The following EFCAB6 variants were observed in gnomAD, a reference collection of about 807,000 sequenced individuals.
EFCAB6 encodes the protein EF-hand calcium-binding domain-containing protein 6.
A neutral mutation model predicts 169.8 loss-of-function variants in EFCAB6; 156 were observed. The observed-to-expected ratio is 0.92, with a 90% confidence interval of 0.81 to 1.05. The LOEUF (loss-of-function observed/expected upper bound fraction) is 1.05. Among genes scored for constraint, EFCAB6 ranks in the 50% least tolerant of loss-of-function variants. EFCAB6 has a pLI of 0.00. For missense variants in EFCAB6, 1,800 were observed against 1,829.1 expected (o/e 0.98, Z 0.29); for synonymous variants, 698 against 676.4 (o/e 1.03, Z -0.50).
intron 8 of EFCAB6, among the ~76,000 whole-genome samples, chr22:43,728,636 T>A (rs1373889672): frequency 1.3e-5 from 2 of 152,230 alleles, no homozygotes; most frequent in African/African-American, 2.4e-5. Context: ...TCAGTGTGGT[T>A]TTGATTTGCA....
intron 2 of EFCAB6, among the ~76,000 whole-genome samples, chr22:43,794,995 T>C (rs1410466326): frequency 3.9e-5 from 6 of 152,154 alleles, no homozygotes; most frequent in Non-Finnish European, 7.3e-5. Flanking sequence ...GGCCACGCAT[T>C]TGGGACACAG....
At chr22:43,702,007 T>G (rs1253538711) in intron 10 of EFCAB6, among the ~76,000 whole-genome samples, 6 of 151,862 alleles carry the variant, frequency 4.0e-5, no homozygotes, top group Non-Finnish European at 7.4e-5. Flanking sequence ...AATTAACCAA[T>G]GGGGGGGATG....
chr22:43,745,733 C>T (rs374881644), intron 6 of EFCAB6, among the ~76,000 whole-genome samples: 4 of 152,182 alleles, frequency 2.6e-5, no homozygotes, highest in African/African-American at 9.7e-5. Flanking sequence ...CACATCAATG[C>T]TCATTTTCCT....
intron 26 of EFCAB6, among the ~76,000 whole-genome samples, chr22:43,564,363 G>A (rs1295677715): frequency 3.3e-5 from 5 of 151,538 alleles, no homozygotes; most frequent in Admixed American, 6.6e-5. Context: ...CATGAGAATC[G>A]CTTCAACCTG....
chr22:43,774,495 C>CT lies in EFCAB6; in HGVS notation c.140-1393dup, dbSNP rs562685459. Among the ~76,000 whole-genome samples, 188 of 151,898 alleles carry CT rather than the reference C, an allele frequency of 1.2e-3. 2 individuals are homozygous for CT. The South Asian group carries it at 0.019, about 15-fold the overall frequency. On this transcript the variant is annotated intron_variant, in intron 3 of 31. Coordinates refer to ENST00000262726, the MANE Select transcript of EFCAB6 (RefSeq NM_022785.4). ...ATCGGCGATTCTCCCCCGACACCCA[C>CT]TGAGGGCCCAGCGCACGCAGGGCCT...
At chr22:43,658,654 G>A (rs1261067610) in intron 17 of EFCAB6, among the ~76,000 whole-genome samples, 1 of 152,186 alleles carries the variant, frequency 6.6e-6, no homozygotes, top group Non-Finnish European at 1.5e-5. Flanking sequence ...TGCCCTCAGG[G>A]AACGTGCCCT....
chr22:43,774,254 G>A (rs187558976), intron 3 of EFCAB6, among the ~76,000 whole-genome samples: 2 of 151,466 alleles, frequency 1.3e-5, no homozygotes, highest in East Asian at 2.0e-4. Context: ...CAAAGATCTC[G>A]GTGCACCAAC....
chr22:43,798,279 G>C (rs935834586), intron 2 of EFCAB6, among the ~76,000 whole-genome samples: 3 of 151,992 alleles, frequency 2.0e-5, no homozygotes, highest in Non-Finnish European at 4.4e-5. Flanking sequence ...AGTTACTTGG[G>C]AGGCGGAGGT....
chr22:43,582,763 A>T (rs554838686), intron 24 of EFCAB6, among the ~76,000 whole-genome samples: 1 of 152,242 alleles, frequency 6.6e-6, no homozygotes, highest in East Asian at 1.9e-4. Context: ...AACTCAAGAG[A>T]GGAGAAAGTG....
chr22:43,703,579 GAATA>G (rs137817), intron 10 of EFCAB6, among the ~76,000 whole-genome samples: 16,983 of 151,312 alleles, frequency 0.11, 999 homozygotes, highest in Non-Finnish European at 0.13. Context: ...TGAGCTACAA[GAATA>G]GATAGACTAA....
chr22:43,786,381 C>T (rs2062078370), intron 2 of EFCAB6, among the ~76,000 whole-genome samples: 1 of 152,042 alleles, frequency 6.6e-6, no homozygotes, highest in African/African-American at 2.4e-5. Context: ...TCAACACATC[C>T]TATGACGCCA....
intron 9 of EFCAB6, among the ~76,000 whole-genome samples, chr22:43,715,057 G>C (rs190898313): frequency 4.6e-5 from 7 of 152,300 alleles, no homozygotes; most frequent in South Asian, 4.1e-4. Flanking sequence ...CCGTCACTTC[G>C]AGTTTCATAG....
At position 43,782,322 on chromosome 22, in the gene EFCAB6, A is replaced by G. The variant is rs1603366198; in HGVS notation, c.-4T>C. ...GTATAATCGCCATTTTGCACATTAAATCCCTGTGATATAAAAGAAAACAGA... is the reference window on the plus strand; with the variant it reads ...GTATAATCGCCATTTTGCACATTAAGTCCCTGTGATATAAAAGAAAACAGA... On this transcript the variant is annotated 5_prime_UTR_variant, in exon 3 of 32. Transcript: ENST00000262726. The G allele has an allele frequency of 6.2e-7, 1 of 1,611,286 alleles. No homozygotes were observed.
At chr22:43,759,811 T>C (rs1046179410) in intron 5 of EFCAB6, 1 of 152,344 alleles carries the variant, frequency 6.6e-6, no homozygotes. Context: ...TTTTGATACA[T>C]GACAAGGTCT....
intron 21 of EFCAB6, among the ~76,000 whole-genome samples, chr22:43,612,823 G>A (rs998947798): frequency 5.3e-5 from 8 of 151,878 alleles, no homozygotes; most frequent in Admixed American, 1.3e-4. Context: ...TAACCTGGGC[G>A]GCGGAGGTTG....
chr22:43,605,078 C>T (rs2147585686), intron 22 of EFCAB6, among the ~76,000 whole-genome samples: 1 of 152,280 alleles, frequency 6.6e-6, no homozygotes, highest in East Asian at 1.9e-4. Flanking sequence ...CAAGGAGGTG[C>T]CTCCCATGTC....
chr22:43,721,072 T>C (rs1245908159), intron 8 of EFCAB6, among the ~76,000 whole-genome samples: 6 of 152,202 alleles, frequency 3.9e-5, no homozygotes, highest in African/African-American at 1.4e-4. Context: ...GGCATTTCTA[T>C]ACATCAATAA....
chr22:43,724,471 G>C (rs1603282581), intron 8 of EFCAB6, among the ~76,000 whole-genome samples: 1 of 149,964 alleles, frequency 6.7e-6, no homozygotes, highest in African/African-American at 2.5e-5. Flanking sequence ...GGGTTCAAGT[G>C]ATTCTCCTGC....
In EFCAB6 at chr22:43,667,247, T is replaced by C; in HGVS notation, c.1840A>G (p.Thr614Ala). 1 of 1,614,046 alleles carries C rather than the reference T, an allele frequency of 6.2e-7. No homozygotes were observed. Among genetic ancestry groups the C allele is most frequent in the Non-Finnish European group, 8.5e-7 (1 of 1,179,960 alleles). ...TCTGTGGTCATCTTCTTGGTCAGGGTGGTTTTATCCTCCGTGAGCTTGGTT... is the reference window on the plus strand; with the variant it reads ...TCTGTGGTCATCTTCTTGGTCAGGGCGGTTTTATCCTCCGTGAGCTTGGTT... ...ERTKLTEDKTTLTKKMTTEEV... is the reference protein window; with the variant it reads ...ERTKLTEDKTALTKKMTTEEV... The change falls in exon 17 of 32, where the codon ACC becomes GCC. Residue 614 changes from threonine to alanine, a missense_variant. Coordinates refer to ENST00000262726, the MANE Select transcript of EFCAB6 (RefSeq NM_022785.4).
Sources: gnomAD v4.1 joint callset for allele counts (sites outside exome capture counted in the v4.1 genomes callset) on GRCh38, gnomAD v4.1.1 for gene constraint, MANE v1.5 for transcripts, NCBI Gene and HGNC (gene_info 2026-07-23, HGNC 2026-07-21) for gene names.